TGFBR3: variants seen among roughly 807,000 people sequenced by gnomAD.
The protein encoded by TGFBR3 is transforming growth factor beta receptor 3.
A neutral mutation model predicts 87.9 loss-of-function variants in TGFBR3; 46 were observed. The ratio of observed to expected loss-of-function variants is 0.52; its 90% CI spans 0.41 to 0.67. TGFBR3 has a LOEUF of 0.67. Ranked by LOEUF, TGFBR3 falls within the 30% of genes least tolerant of loss-of-function variation. The probability of loss-of-function intolerance (pLI) is 0.00; values close to 1 mark genes in which losing one functional copy is unlikely to be tolerated. For synonymous variants in TGFBR3, 381 were observed against 391.6 expected (o/e 0.97, Z 0.32); for missense variants, 866 against 1,041.9 (o/e 0.83, Z 2.32).
intron 2 of TGFBR3, among the ~76,000 whole-genome samples, chr1:91,806,820 G>A (rs906956203): frequency 6.6e-6 from 1 of 152,212 alleles, no homozygotes; most frequent in Admixed American, 6.5e-5. Context: ...CAGCTGCAAA[G>A]AGGGACAAAC....
At chr1:91,742,891 G>T (rs922100495) in intron 4 of TGFBR3, among the ~76,000 whole-genome samples, 8 of 152,134 alleles carry the variant, frequency 5.3e-5, no homozygotes, top group Non-Finnish European at 1.0e-4. Flanking sequence ...TCTGCCAATT[G>T]CTGGGAGTTT....
chr1:91,896,556 G>A (rs772591050), intron 2 of TGFBR3, among the ~76,000 whole-genome samples: 7 of 152,188 alleles, frequency 4.6e-5, no homozygotes, highest in African/African-American at 9.7e-5. Flanking sequence ...TCTGACATGA[G>A]GAAGGGGTTT....
chr1:91,854,096 A>T (rs764286611), intron 2 of TGFBR3, among the ~76,000 whole-genome samples: 1 of 152,156 alleles, frequency 6.6e-6, no homozygotes, highest in Admixed American at 6.5e-5. Context: ...AGGACTGAGG[A>T]GATGTTGGTC....
At chr1:91,896,310 G>T (rs889367449) in intron 2 of TGFBR3, among the ~76,000 whole-genome samples, 3 of 152,124 alleles carry the variant, frequency 2.0e-5, no homozygotes, top group Non-Finnish European at 4.4e-5. Context: ...TCTAGAGATG[G>T]GTACCCACAG....
chr1:91,797,448 C>A lies in TGFBR3; in HGVS notation c.85G>T (p.Glu29Ter). ...TAGPEPGALC[E>*]LSPVSASHPV... The stretch of plus-strand genomic sequence containing the variant: ...TGGGAGGCACTGACAGGTGACAGTT[C>A]ACACAGTGCACCAGGCTCTGGACCT... The change falls in exon 3 of 17, where the codon GAA becomes TAA. Residue 29 changes from glutamate to a stop codon, truncating the protein, a stop_gained. Transcript: ENST00000212355. LOFTEE classifies it high-confidence loss of function. 6.2e-7 allele frequency: 1 copy of A among 1,614,216 alleles called. No homozygotes were observed. Among genetic ancestry groups the A allele is most frequent in the Non-Finnish European group, 8.5e-7 (1 of 1,180,038 alleles).
chr1:91,850,622 G>C (rs764567651), intron 2 of TGFBR3, among the ~76,000 whole-genome samples: 19 of 151,838 alleles, frequency 1.3e-4, no homozygotes, highest in Non-Finnish European at 2.2e-4. Flanking sequence ...CTCTATAAAA[G>C]ATCACAAAAT....
At chr1:91,793,160 T>C (rs1675254412) in intron 3 of TGFBR3, among the ~76,000 whole-genome samples, 2 of 152,182 alleles carry the variant, frequency 1.3e-5, no homozygotes, top group Non-Finnish European at 2.9e-5. Flanking sequence ...GTCAACCTGC[T>C]GCAGTTACTA....
At chr1:91,813,774 T>A (rs56294980) in intron 2 of TGFBR3, among the ~76,000 whole-genome samples, 2,885 of 152,284 alleles carry the variant, frequency 0.019, 93 homozygotes, top group African/African-American at 0.063. Context: ...CCAACCTTTT[T>A]GGCACCAGGG....
At chr1:91,716,497 A>T (rs1047007152) in intron 11 of TGFBR3, 71 bp downstream of exon 11, 28 of 1,613,874 alleles carry the variant, frequency 1.7e-5, no homozygotes, top group East Asian at 2.2e-5. Flanking sequence ...TTATTTTCAG[A>T]TAGTCCCTAA....
At chr1:91,747,138 G>T (rs551921342) in intron 4 of TGFBR3, among the ~76,000 whole-genome samples, 11 of 152,326 alleles carry the variant, frequency 7.2e-5, no homozygotes, top group Admixed American at 3.3e-4. Flanking sequence ...AATGAGTGCA[G>T]ATTCAAACTG....
chr1:91,686,446 A>T (rs1272336144), intron 16 of TGFBR3, among the ~76,000 whole-genome samples: 1 of 151,998 alleles, frequency 6.6e-6, no homozygotes, highest in Non-Finnish European at 1.5e-5. Context: ...CTTTGATCCA[A>T]TAATGGGCCA....
Position 91,886,065 on chromosome 1 carries a change from G to C in TGFBR3, c.-301C>G, listed in dbSNP as rs1318382015. On this transcript the variant is annotated 5_prime_UTR_variant, in exon 1 of 17. Coordinates refer to ENST00000212355, the MANE Select transcript of TGFBR3 (RefSeq NM_003243.5). ...GAGCTCCGGGAATCGCGCAGGGAAAGTGGCCGGGGCGCGAGAGCCGCCGAC... is the reference window on the plus strand; with the variant it reads ...GAGCTCCGGGAATCGCGCAGGGAAACTGGCCGGGGCGCGAGAGCCGCCGAC... 4.6e-5 allele frequency: 21 copies of C among 453,930 alleles called. No individual in the cohort carries two copies. Among genetic ancestry groups the C allele is most frequent in the Non-Finnish European group, 8.8e-6 (2 of 226,766 alleles). 28.1% of individuals were successfully genotyped at this position (453,930 alleles called of 1,614,324 possible). A position where few individuals can be genotyped will look rare whatever the true frequency, so the allele number is the denominator to read the frequency against.
At chr1:91,763,347 T>C (rs1299307238) in intron 3 of TGFBR3, among the ~76,000 whole-genome samples, 2 of 152,118 alleles carry the variant, frequency 1.3e-5, no homozygotes, top group Non-Finnish European at 2.9e-5. Context: ...GTCAGTGAGG[T>C]CCATTTCAAC....
intron 2 of TGFBR3, among the ~76,000 whole-genome samples, chr1:91,798,412 A>T (rs1048002831): frequency 6.6e-6 from 1 of 152,006 alleles, no homozygotes; most frequent in Non-Finnish European, 1.5e-5. Context: ...GCCCCTTCCT[A>T]TGTCTCATCC....
intron 2 of TGFBR3, among the ~76,000 whole-genome samples, chr1:91,804,008 C>T (rs1208630876): frequency 6.6e-6 from 1 of 152,198 alleles, no homozygotes; most frequent in Non-Finnish European, 1.5e-5. Flanking sequence ...TGCCTCACCC[C>T]AGCACAGTAT....
chr1:91,740,002 T>A (rs2100838988), intron 4 of TGFBR3, among the ~76,000 whole-genome samples: 1 of 152,332 alleles, frequency 6.6e-6, no homozygotes, highest in African/African-American at 2.4e-5. Flanking sequence ...CCCCATGATC[T>A]AATCACCTCC....
intron 13 of TGFBR3, among the ~76,000 whole-genome samples, chr1:91,709,075 G>A (rs1671893590): frequency 6.6e-6 from 1 of 152,070 alleles, no homozygotes; most frequent in Non-Finnish European, 1.5e-5. Context: ...GTGTTAGTTT[G>A]AAAAACAGAA....
chr1:91,787,217 C>T (rs997373209), intron 3 of TGFBR3, among the ~76,000 whole-genome samples: 6 of 152,098 alleles, frequency 3.9e-5, no homozygotes, highest in Admixed American at 3.9e-4. Context: ...AAGAGAATCG[C>T]TTGAACCCAG....
chr1:91,808,934 G>T (rs1675932690), intron 2 of TGFBR3, among the ~76,000 whole-genome samples: 1 of 152,112 alleles, frequency 6.6e-6, no homozygotes, highest in Non-Finnish European at 1.5e-5. Flanking sequence ...AAATCTGAAG[G>T]TTTGAAGGAT....
Sources: gnomAD v4.1 joint callset for allele counts (sites outside exome capture counted in the v4.1 genomes callset) on GRCh38, gnomAD v4.1.1 for gene constraint, MANE v1.5 for transcripts, NCBI Gene and HGNC (gene_info 2026-07-23, HGNC 2026-07-21) for gene names.